Variants in CAPN14 observed in about 807,000 individuals in gnomAD.
The protein encoded by CAPN14 is calpain-14.
CAPN14 carries 94 observed loss-of-function variants against 101.3 expected under a neutral mutation model. That is an observed-to-expected ratio of 0.93 (90% CI 0.79 to 1.10). CAPN14 has a LOEUF of 1.10. CAPN14 is among the 50% of genes least tolerant of loss of function. CAPN14 has a pLI of 0.00. For synonymous variants in CAPN14, 338 were observed against 317.9 expected, an observed-to-expected ratio of 1.06 and a Z score of -0.67; for missense variants, 837 against 828.4, an observed-to-expected ratio of 1.01 and a Z score of -0.13.
At chr2:31,209,936 A>T (rs1682302019) in intron 1 of CAPN14, among the ~76,000 whole-genome samples, 2 of 152,202 alleles carry the variant, frequency 1.3e-5, no homozygotes, top group Non-Finnish European at 2.9e-5. Context: ...AGCACTGGTC[A>T]ACCTTAAGAC....
Position 31,179,060 on chromosome 2 carries a change from C to CTT in CAPN14, c.1711-482_1711-481insAA, listed in dbSNP as rs777643218. On this transcript the variant is annotated intron_variant, in intron 17 of 21. Transcript: ENST00000403897. ...TCTTCTTAACATCCTTTATTGAGTT[C>CTT]TATATATATATATATATATATATAT... Among the ~76,000 whole-genome samples, 170 of 69,198 alleles carry CTT rather than the reference C, an allele frequency of 2.5e-3. 3 individuals carry two copies. In the South Asian group the frequency reaches 0.039, roughly 16 times the overall value. The allele number at this position is 69,198 out of a possible 152,430, so 45.4% of individuals were successfully genotyped here.
chr2:31,205,675 A>G (rs11687767), intron 1 of CAPN14, among the ~76,000 whole-genome samples, 176 bp from the exon 2 acceptor site: 66,225 of 151,926 alleles, frequency 0.44, 15,747 homozygotes, highest in East Asian at 0.58. Flanking sequence ...GCACTCACTC[A>G]AGTGCTTGAG....
chr2:31,180,475 T>A (rs532521880), intron 17 of CAPN14, among the ~76,000 whole-genome samples: 2 of 152,294 alleles, frequency 1.3e-5, no homozygotes, highest in African/African-American at 4.8e-5. Flanking sequence ...TTGTGGCATG[T>A]TGTTTAACTT....
In CAPN14 at chr2:31,180,608, A is replaced by T. The variant is rs536357764; in HGVS notation, c.1710+328T>A. Among the ~76,000 whole-genome samples, 4 of 152,278 alleles carry T rather than the reference A, an allele frequency of 2.6e-5. No homozygotes were observed. In the South Asian group the frequency reaches 6.2e-4, roughly 24 times the overall value. On this transcript the variant is annotated intron_variant, in intron 17 of 21. Transcript: ENST00000403897. ...TAAACCTGGAGAGCTGTTACTAACC[A>T]CCACCTTCTAGCTGCCTCATCCTCA...
intron 16 of CAPN14, among the ~76,000 whole-genome samples, chr2:31,184,343 G>A (rs190974929): frequency 3.9e-5 from 6 of 152,296 alleles, no homozygotes; most frequent in African/African-American, 1.2e-4. Flanking sequence ...AGCATAAAAC[G>A]GTATTTGTCT....
chr2:31,233,667 T>A (rs1044709592), intron 1 of CAPN14: 5 of 152,118 alleles, frequency 3.3e-5, no homozygotes, highest in African/African-American at 1.2e-4. Flanking sequence ...ATGGGAACGA[T>A]TTTGACTTCA....
chr2:31,201,718 T>G, intron 5 of CAPN14, 144 bp downstream of exon 5: 1 of 1,088,622 alleles, frequency 9.2e-7, no homozygotes, highest in African/African-American at 1.6e-5. Context: ...CATAAAAGAC[T>G]GAATACGTTG....
At chr2:31,229,442 G>T (rs1683122420) in intron 1 of CAPN14, among the ~76,000 whole-genome samples, 1 of 152,056 alleles carries the variant, frequency 6.6e-6, no homozygotes, top group South Asian at 2.1e-4. Flanking sequence ...AATAAGAAAT[G>T]AACAGCCAAG....
intron 21 of CAPN14, among the ~76,000 whole-genome samples, 197 bp downstream of exon 21, chr2:31,176,390 G>A (rs1162999943): frequency 6.6e-6 from 1 of 152,202 alleles, no homozygotes; most frequent in Non-Finnish European, 1.5e-5. Context: ...ATATGTGCCT[G>A]GCACAAAGTG....
At chr2:31,213,398 C>T (rs1682492570) in intron 1 of CAPN14, among the ~76,000 whole-genome samples, 1 of 152,204 alleles carries the variant, frequency 6.6e-6, no homozygotes, top group South Asian at 2.1e-4. Context: ...TGGTATTGTC[C>T]GTGGCTGCTT....
chr2:31,200,543 T>C lies in CAPN14; in HGVS notation c.634A>G (p.Ile212Val), dbSNP rs1157990793. The C allele has an allele frequency of 1.9e-6, 3 of 1,551,520 alleles. No homozygotes were observed. Among genetic ancestry groups the C allele is most frequent in the Non-Finnish European group, 2.6e-6 (3 of 1,146,984 alleles). Residue 212 changes from isoleucine to valine, a missense_variant, in exon 6 of 22, where the codon ATC becomes GTC. By Grantham distance (29) the Ile-to-Val change is conservative. Transcript: ENST00000403897. Reference protein sequence around the residue: ...VDFTGGVTMTINLAEAHGNLW... With the variant: ...VDFTGGVTMTVNLAEAHGNLW... ...TTGCCATGGGCTTCTGCCAGGTTGA[T>C]GGTCATTGTCACCCCTCCAGTGAAG...
chr2:31,217,626 T>C (rs1253575091), upstream of CAPN14: 1 of 152,290 alleles, frequency 6.6e-6, no homozygotes, highest in Non-Finnish European at 1.5e-5. Context: ...CCACTGTGTG[T>C]TCTCTGGAAG....
In CAPN14 at chr2:31,230,620, C is replaced by T. The variant is rs142520368; in HGVS notation, c.-177+3171G>A. Among the ~76,000 whole-genome samples, 12 of 152,234 alleles carry T rather than the reference C, an allele frequency of 7.9e-5. No homozygotes were observed. In the East Asian group the frequency reaches 9.6e-4, roughly 12 times the overall value. On this transcript the variant is annotated intron_variant and NMD_transcript_variant, in intron 1 of 21. Transcript: ENST00000398824. The surrounding 1 kb of genome is among the most constrained non-coding windows in gnomAD (Gnocchi z 4.3). The stretch of plus-strand genomic sequence containing the variant: ...TAATGAGATGCAACATGTTTTCTTG[C>T]GTTTATAGGGCATTCATGTAGCCTC...
rs1452722673 is a variant in CAPN14 at position 31,173,484 on chromosome 2, T to C, written c.*1197A>G. 2 of 152,212 alleles carry C rather than the reference T, an allele frequency of 1.3e-5. No individual in the cohort carries two copies. Among genetic ancestry groups the C allele is most frequent in the Non-Finnish European group, 2.9e-5 (2 of 68,036 alleles). The allele number at this position is 152,212 out of a possible 1,614,324, so 9.4% of individuals were successfully genotyped here. A position where few individuals can be genotyped will look rare whatever the true frequency, so the allele number is the denominator to read the frequency against. ...GAATTGTTTGTAAATTAAGATTAAA[T>C]AGAATACAGGTTGACTATCTCTTAA... is the stretch of plus-strand genomic sequence containing the variant. On this transcript the variant is annotated 3_prime_UTR_variant, in exon 22 of 22. Coordinates refer to ENST00000403897, the MANE Select transcript of CAPN14 (RefSeq NM_001145122.2).
At chr2:31,207,566 G>A (rs535783087) in intron 1 of CAPN14, among the ~76,000 whole-genome samples, 5 of 152,110 alleles carry the variant, frequency 3.3e-5, no homozygotes, top group Admixed American at 6.5e-5. Context: ...CCAGAAGTTC[G>A]ATACCAGCTG....
chr2:31,176,808 C>A lies in CAPN14; in HGVS notation c.1973-166G>T, dbSNP rs143776871. Among the ~76,000 whole-genome samples, 52 of 152,344 alleles carry A rather than the reference C, an allele frequency of 3.4e-4. 1 individual carries two copies. Among genetic ancestry groups the A allele is most frequent in the African/African-American group, 1.2e-3 (50 of 41,582 alleles). ...CGCAGCCACATCTATGATAAGTGAG[C>A]CACTTCAAGCCTTTGTCTCTGGAAC... On this transcript the variant is annotated intron_variant, in intron 20 of 21. Transcript: ENST00000403897.
Position 31,216,865 on chromosome 2 carries a change from A to T in CAPN14, c.-53+591T>A, listed in dbSNP as rs553681306. Among the ~76,000 whole-genome samples the T allele has an allele frequency of 4.6e-5, 7 of 152,296 alleles. No homozygotes were observed. In the South Asian group the frequency reaches 1.4e-3, roughly 32 times the overall value. ...AAGGGCCGTGCCAAGCACCACACTG[A>T]CAGCTATCATTTGAGGCAATATTTC... On this transcript the variant is annotated intron_variant, in intron 1 of 21. Coordinates refer to ENST00000403897, the MANE Select transcript of CAPN14 (RefSeq NM_001145122.2).
At chr2:31,197,059 T>C (rs1307828114) in intron 8 of CAPN14, among the ~76,000 whole-genome samples, 190 bp downstream of exon 8, 1 of 152,230 alleles carries the variant, frequency 6.6e-6, no homozygotes, top group East Asian at 1.9e-4. Context: ...TTAATTATTA[T>C]AATGAAAGAG....
At chr2:31,219,081 C>T (rs182651171), upstream of CAPN14, among the ~76,000 whole-genome samples, 21 of 152,206 alleles carry the variant, frequency 1.4e-4, no homozygotes, top group East Asian at 2.3e-3. Flanking sequence ...GGGGGGCTTC[C>T]GCTCATCCCT....
Sources: gnomAD v4.1 joint callset for allele counts (sites outside exome capture counted in the v4.1 genomes callset) on GRCh38, gnomAD v4.1.1 for gene constraint, Gnocchi (gnomAD v3.1) non-coding constraint, MANE v1.5 for transcripts, NCBI Gene and HGNC (gene_info 2026-07-23, HGNC 2026-07-21) for gene names.